The following NBPF14 variants were observed in gnomAD, a reference collection of about 807,000 sequenced individuals.
NBPF14 encodes NBPF family member NBPF14.
Under a neutral mutation model 91.2 loss-of-function variants are expected in NBPF14, and 104 were observed. That is an observed-to-expected ratio of 1.14 (90% CI 0.97 to 1.34). NBPF14 has a LOEUF of 1.34. NBPF14 is among the 40% of genes most tolerant of loss of function. The pLI, the probability that NBPF14 is intolerant of heterozygous loss-of-function variation, is 0.00. For synonymous variants in NBPF14, 294 were observed against 303.8 expected, an observed-to-expected ratio of 0.97 and a Z score of 0.34; for missense variants, 908 against 783.0, an observed-to-expected ratio of 1.16 and a Z score of -1.91.
At chr1:148,561,806 C>G (rs1260467759) in intron 34 of NBPF14, among the ~76,000 whole-genome samples, 1 of 136,254 alleles carries the variant, frequency 7.3e-6, no homozygotes, top group African/African-American at 3.5e-5. Context: ...CACACAAACA[C>G]ACACACACAC....
rs1392362941 is a variant in NBPF14, at chr1:148,534,561, G to A, written c.8614+123C>T. ...TACAGTTTCATTACAACCTATATGC[G>A]CCCATAGGTCCTGCCTGCGGCAATG... On this transcript the variant is annotated intron_variant, in intron 69 of 70. Coordinates refer to ENST00000619423, the Ensembl canonical transcript of NBPF14. 1.0e-4 allele frequency: 77 copies of A among 746,450 alleles called. 1 individual carries two copies. Among genetic ancestry groups the A allele is most frequent in the Middle Eastern group, 3.6e-4 (1 of 2,808 alleles). The allele number at this position is 746,450 out of a possible 1,614,324, so 46.2% of individuals were successfully genotyped here.
At chr1:148,534,586 G>T in intron 69 of NBPF14, 98 bp downstream of exon 69, 2 of 844,026 alleles carry the variant, frequency 2.4e-6, no homozygotes, top group Non-Finnish European at 4.1e-6. Context: ...CTGCGGCAAT[G>T]ACATCTCTCG....
rs1359607775 is a variant in NBPF14, at chr1:148,559,324, C to T, written c.4730-252G>A. ...CAATATCATTTGTCCCAAGTTTGTG[C>T]AAATGGTTATGCCATATTTTTCCAA... On this transcript the variant is annotated intron_variant, in intron 37 of 70. Coordinates refer to ENST00000619423, the Ensembl canonical transcript of NBPF14. Among the ~76,000 whole-genome samples, 24 of 125,724 alleles carry T rather than the reference C, an allele frequency of 1.9e-4. 1 individual carries two copies. The highest frequency in any genetic ancestry group is 2.2e-4 in the Non-Finnish European group (14 of 65,058). The allele number at this position is 125,724 out of a possible 152,430, so 82.5% of individuals were successfully genotyped here.
chr1:148,534,442 T>G (rs1265756228), intron 69 of NBPF14, among the ~76,000 whole-genome samples: 1 of 151,748 alleles, frequency 6.6e-6, no homozygotes, highest in Admixed American at 6.6e-5. Context: ...TCCAATGTCA[T>G]GAGAATAGGA....
At chr1:148,577,543 G>GACACACACAC (rs1184575767) in intron 14 of NBPF14, among the ~76,000 whole-genome samples, 188 bp from the exon 15 acceptor site, 6 of 141,144 alleles carry the variant, frequency 4.3e-5, no homozygotes, top group African/African-American at 1.4e-4. Flanking sequence ...GAACGAGAAA[G>GACACACACAC]ACACACACAC....
chr1:148,560,077 T>A, intron 36 of NBPF14, 112 bp from the exon 37 acceptor site: 2 of 680,344 alleles, frequency 2.9e-6, no homozygotes, highest in Middle Eastern at 4.0e-4. Flanking sequence ...AAAGGACAGA[T>A]CCATTAATGA....
At position 148,534,905 on chromosome 1, in the gene NBPF14, C is replaced by A. The variant is rs1384235897; in HGVS notation, c.8442-49G>T. ...GAATAAGCCAGGGGGAATCAGAAAC[C>A]ACACAGCCCCAGCTAGATTTCATGG... is the stretch of plus-strand genomic sequence containing the variant. On this transcript the variant is annotated intron_variant, in intron 68 of 70. Coordinates refer to ENST00000619423, the Ensembl canonical transcript of NBPF14. The A allele has an allele frequency of 1.8e-5, 13 of 718,246 alleles. 1 individual carries two copies. The highest frequency in any genetic ancestry group is 1.5e-4 in the East Asian group (6 of 38,930). 44.5% of individuals were successfully genotyped at this position (718,246 alleles called of 1,614,324 possible).
At chr1:148,534,925 T>C (rs1368217202) in intron 68 of NBPF14, 69 bp from the exon 69 acceptor site, 1 of 737,056 alleles carries the variant, frequency 1.4e-6, no homozygotes, top group Non-Finnish European at 2.5e-6. Flanking sequence ...CAGCTAGATT[T>C]CATGGCTAAC....
intron 6 of NBPF14, among the ~76,000 whole-genome samples, chr1:148,590,299 C>T (rs1662272376): frequency 7.0e-6 from 1 of 142,954 alleles, no homozygotes; most frequent in Admixed American, 7.0e-5. Context: ...CCTCATGATC[C>T]ACCCGCCTCG....
Position 148,559,414 on chromosome 1 carries a change from A to G in NBPF14, c.4730-342T>C, listed in dbSNP as rs1412068613. Reference sequence around the variant, plus strand: ...AAAACTGCACTATTCACCCTGTCTCATCAAATACTCAGATTGTTCATGGTA... The same window carrying G: ...AAAACTGCACTATTCACCCTGTCTCGTCAAATACTCAGATTGTTCATGGTA... On this transcript the variant is annotated intron_variant, in intron 37 of 70. Transcript: ENST00000619423. Among the ~76,000 whole-genome samples the G allele has an allele frequency of 2.1e-4, 28 of 134,220 alleles. No homozygotes were observed. The East Asian group carries it at 5.0e-3, about 24-fold the overall frequency. The allele number at this position is 134,220 out of a possible 152,430, so 88.1% of individuals were successfully genotyped here. A position where few individuals can be genotyped will look rare whatever the true frequency, so the allele number is the denominator to read the frequency against.
At chr1:148,534,027 A>G in intron 69 of NBPF14, 58 bp from the exon 70 acceptor site, 6 of 661,170 alleles carry the variant, frequency 9.1e-6, no homozygotes, top group Non-Finnish European at 1.6e-5. Context: ...CACACATAAC[A>G]ATCCACTGTC....
In NBPF14 at chr1:148,579,104, G is replaced by T. The variant is rs1163676872; in HGVS notation, c.1771C>A (p.Gln591Lys). 4.5e-4 allele frequency: 229 copies of T among 509,606 alleles called. 1 individual carries two copies. In the African/African-American group the frequency reaches 6.2e-3, roughly 14 times the overall value. 31.6% of individuals were successfully genotyped at this position (509,606 alleles called of 1,614,324 possible). ...ATGTCAACAGCCATGCAGACTTGCT[G>T]TTCCTCTAATGAGTGAAATGTGCTG... Residue 591 changes from glutamine to lysine, a missense_variant, in exon 13 of 71, where the codon CAG becomes AAG. Coordinates refer to ENST00000619423, the Ensembl canonical transcript of NBPF14.
intron 36 of NBPF14, 27 bp from the exon 37 acceptor site, chr1:148,559,992 T>G (rs1657432608): frequency 1.3e-5 from 14 of 1,042,936 alleles, no homozygotes; most frequent in Non-Finnish European, 2.0e-5. Flanking sequence ...AAGTAAAGAA[T>G]AAGCCAGGGG....
chr1:148,576,502 TC>T (rs2149533195), intron 15 of NBPF14, 41 bp from the exon 16 acceptor site: 1 of 589,336 alleles, frequency 1.7e-6, no homozygotes, highest in Non-Finnish European at 3.0e-6. Flanking sequence ...TTAAGCTGGT[TC>T]TCCTAAACAC....
At chr1:148,593,926 G>A (rs1441760692) in intron 2 of NBPF14, among the ~76,000 whole-genome samples, 1 of 149,958 alleles carries the variant, frequency 6.7e-6, no homozygotes, top group African/African-American at 2.4e-5. Flanking sequence ...CATCAAGGAA[G>A]TTGACAAGAT....
At position 148,566,319 on chromosome 1, in the gene NBPF14, G is replaced by T. The variant is rs1189530336; in HGVS notation, c.3543-4C>A. On this transcript the variant is annotated splice_polypyrimidine_tract_variant and splice_region_variant and intron_variant, in intron 28 of 70. Coordinates refer to ENST00000619423, the Ensembl canonical transcript of NBPF14. ...CTCCAGCAGCTCCCTGCTGAGCCTG[G>T]AAAAGGAGGAAAAGGTAAAGAATAA... 1.7e-5 allele frequency: 13 copies of T among 755,208 alleles called. No individual in the cohort carries two copies. The highest frequency in any genetic ancestry group is 1.6e-4 in the African/African-American group (8 of 48,506). The allele number at this position is 755,208 out of a possible 1,614,324, so 46.8% of individuals were successfully genotyped here.
At chr1:148,576,111 A>C (rs1659668179) in intron 16 of NBPF14, among the ~76,000 whole-genome samples, 1 of 131,092 alleles carries the variant, frequency 7.6e-6, no homozygotes, top group African/African-American at 3.2e-5. Flanking sequence ...CTCGGGACAC[A>C]CAGCGAACAG....
At chr1:148,586,997 A>C (rs1435559144) in intron 8 of NBPF14, among the ~76,000 whole-genome samples, 1 of 146,462 alleles carries the variant, frequency 6.8e-6, no homozygotes, top group African/African-American at 2.5e-5. Context: ...GTGATGGCAC[A>C]CCATTTTGAG....
chr1:148,566,440 G>A, intron 28 of NBPF14, 125 bp from the exon 29 acceptor site: 1 of 592,410 alleles, frequency 1.7e-6, no homozygotes, highest in Non-Finnish European at 3.0e-6. Flanking sequence ...CATTAATGAG[G>A]TAACAAATTG....
Sources: allele counts gnomAD v4.1 joint callset (sites outside exome capture counted in the v4.1 genomes callset), GRCh38; gene constraint gnomAD v4.1.1; transcripts MANE v1.5; gene names NCBI Gene and HGNC (gene_info 2026-07-23, HGNC 2026-07-21).